The following CIITA variants were observed in gnomAD, a reference collection of about 807,000 sequenced individuals.
CIITA encodes the protein class II major histocompatibility complex transactivator, also known as MHC class II transactivator.
In CIITA, 72 loss-of-function variants were observed where a neutral mutation model predicts 115.1. The ratio of observed to expected loss-of-function variants is 0.63; its 90% CI spans 0.52 to 0.76. The LOEUF (loss-of-function observed/expected upper bound fraction) is 0.76, where lower values mean the gene tolerates loss of function less well. Among genes scored for constraint, CIITA ranks in the 30% least tolerant of loss-of-function variants. CIITA has a pLI of 0.00. For missense variants in CIITA, 1,617 were observed against 1,463.8 expected, an observed-to-expected ratio of 1.10 and a Z score of -1.71; for synonymous variants, 763 against 635.6, an observed-to-expected ratio of 1.20 and a Z score of -3.02.
At position 10,942,068 on chromosome 16, in the gene CIITA, G is replaced by C; in HGVS notation, n.1194G>C. On this transcript the variant is annotated non_coding_transcript_exon_variant, in exon 2 of 2. Coordinates refer to the CIITA transcript ENST00000573379. The surrounding 1 kb of genome is among the most constrained non-coding windows in gnomAD (Gnocchi z 5.0). ...CGAACTCAGCCGCTGCGGCGCCCGGGCGGCCGGCGAGGGCACAGCGCAGCC... is the reference window on the plus strand; with the variant it reads ...CGAACTCAGCCGCTGCGGCGCCCGGCCGGCCGGCGAGGGCACAGCGCAGCC... The C allele has an allele frequency of 7.6e-7, 1 of 1,314,408 alleles. No homozygotes were observed. 81.4% of individuals were successfully genotyped at this position (1,314,408 alleles called of 1,614,324 possible).
rs754557219 is a variant in CIITA at position 10,901,595 on chromosome 16, G to A, written c.481+37G>A. 3.4e-5 allele frequency: 54 copies of A among 1,606,800 alleles called. No homozygotes were observed. Among genetic ancestry groups the A allele is most frequent in the Non-Finnish European group, 3.8e-5 (45 of 1,174,896 alleles). ...AGGTGGGCTGGGGTTGGGAAGGGTG[G>A]ATGCCTTGGGGAGGGGATGGAAGAG... On this transcript the variant is annotated intron_variant, in intron 6 of 19. Transcript: ENST00000324288. The surrounding 1 kb of genome is among the most constrained non-coding windows in gnomAD (Gnocchi z 6.8).
Sources: allele counts gnomAD v4.1 joint callset, GRCh38; gene constraint gnomAD v4.1.1; non-coding constraint Gnocchi (gnomAD v3.1); transcripts MANE v1.5; gene names NCBI Gene and HGNC (gene_info 2026-07-23, HGNC 2026-07-21).